DCP1B: variants seen among roughly 807,000 people sequenced by gnomAD.
DCP1B encodes the protein mRNA-decapping enzyme 1B.
DCP1B carries 47 observed loss-of-function variants against 60.5 expected under a neutral mutation model. The ratio of observed to expected loss-of-function variants is 0.78; its 90% CI spans 0.61 to 0.99. The LOEUF (loss-of-function observed/expected upper bound fraction) is 0.99, where lower values mean the gene tolerates loss of function less well. Ranked by LOEUF, DCP1B falls within the 50% of genes least tolerant of loss-of-function variation. The pLI is 0.00. For missense variants in DCP1B, 725 were observed against 756.8 expected (o/e 0.96, Z 0.49); for synonymous variants, 267 against 280.3 (o/e 0.95, Z 0.47).
chr12:1,974,540 G>GT (rs1565791499), intron 3 of DCP1B, among the ~76,000 whole-genome samples: 1 of 152,076 alleles, frequency 6.6e-6, no homozygotes, highest in Non-Finnish European at 1.5e-5. Context: ...TTGACTACTT[G>GT]TTAGGCACTG....
At chr12:1,954,710 GA>G (rs2030815547) in intron 6 of DCP1B, among the ~76,000 whole-genome samples, 1 of 152,198 alleles carries the variant, frequency 6.6e-6, no homozygotes, top group African/African-American at 2.4e-5. Flanking sequence ...ATCTGGCACA[GA>G]GGAGGTGCTC....
chr12:1,968,079 A>G (rs2031422124), intron 3 of DCP1B, among the ~76,000 whole-genome samples, 169 bp from the exon 4 acceptor site: 1 of 152,180 alleles, frequency 6.6e-6, no homozygotes, highest in Non-Finnish European at 1.5e-5. Context: ...AAAATACAGC[A>G]TCAAGCCAGG....
intron 5 of DCP1B, among the ~76,000 whole-genome samples, chr12:1,958,546 T>C (rs546084508): frequency 6.8e-5 from 10 of 147,482 alleles, no homozygotes; most frequent in African/African-American, 2.5e-4. Flanking sequence ...TGGCTTTTTC[T>C]ATAAACCTCC....
chr12:1,967,084 A>G (rs544965355), intron 4 of DCP1B, among the ~76,000 whole-genome samples: 51 of 152,328 alleles, frequency 3.3e-4, no homozygotes, highest in African/African-American at 1.1e-3. Flanking sequence ...GCAGGGAAAT[A>G]ACTGCCTCAC....
At chr12:1,981,618 G>A (rs993583880) in intron 3 of DCP1B, among the ~76,000 whole-genome samples, 1 of 152,122 alleles carries the variant, frequency 6.6e-6, no homozygotes, top group Non-Finnish European at 1.5e-5. Flanking sequence ...AACTGTAAGG[G>A]GGAAGGGATA....
chr12:1,954,426 C>A (rs1182976218), intron 6 of DCP1B, among the ~76,000 whole-genome samples: 3 of 151,916 alleles, frequency 2.0e-5, no homozygotes, highest in South Asian at 2.1e-4. Context: ...TTAAGAAAAT[C>A]TTTTTAATTA....
intron 3 of DCP1B, among the ~76,000 whole-genome samples, chr12:1,986,930 A>T (rs2037959351): frequency 6.6e-6 from 1 of 152,226 alleles, no homozygotes. Context: ...CCAGAAGTTC[A>T]ATCCCTTTTT....
At chr12:1,973,426 T>C (rs188243064) in intron 3 of DCP1B, among the ~76,000 whole-genome samples, 268 of 152,346 alleles carry the variant, frequency 1.8e-3, no homozygotes, top group Non-Finnish European at 2.5e-3. Flanking sequence ...CTCTCTGAAT[T>C]AAAGCATTAT....
chr12:1,973,650 T>C (rs2033277368), intron 3 of DCP1B, among the ~76,000 whole-genome samples: 2 of 152,196 alleles, frequency 1.3e-5, no homozygotes, highest in Non-Finnish European at 2.9e-5. Context: ...AAAGGTCATA[T>C]GGAATCTTTT....
chr12:2,004,225 C>G, intron 1 of DCP1B, 57 bp downstream of exon 1: 1 of 1,598,870 alleles, frequency 6.3e-7, no homozygotes, highest in Non-Finnish European at 8.5e-7. Context: ...CTGAGTCTGA[C>G]GCCCCCCGCC....
intron 1 of DCP1B, among the ~76,000 whole-genome samples, chr12:1,998,521 C>T (rs1298452035): frequency 6.6e-6 from 1 of 152,198 alleles, no homozygotes; most frequent in Non-Finnish European, 1.5e-5. Context: ...CAATCACCTA[C>T]TTAGTGTAGT....
At position 1,971,253 on chromosome 12, in the gene DCP1B, C is replaced by G; in HGVS notation, c.320-3343G>C. On this transcript the variant is annotated intron_variant, in intron 3 of 8. Transcript: ENST00000280665. This position sits in a 1 kb window ranked among gnomAD's most constrained non-coding sequence, Gnocchi z 4.2. ...AGTAGGAAGAACATGTTGAAATTTACTCTAAATATCCTAATGATACCTAGA... is the reference window on the plus strand; with the variant it reads ...AGTAGGAAGAACATGTTGAAATTTAGTCTAAATATCCTAATGATACCTAGA... 2.0e-6 allele frequency: 2 copies of G among 989,764 alleles called. No individual in the cohort carries two copies. The highest frequency in any genetic ancestry group is 2.6e-4 in the Middle Eastern group (1 of 3,816). 61.3% of individuals were successfully genotyped at this position (989,764 alleles called of 1,614,324 possible).
At position 1,971,769 on chromosome 12, in the gene DCP1B, G is replaced by GCAAAT. The variant is rs769642013; in HGVS notation, c.320-3860_320-3859insATTTG. 2.0e-5 allele frequency among the ~76,000 whole-genome samples: 3 copies of GCAAAT among 152,072 alleles called. No individual in the cohort carries two copies. Among genetic ancestry groups the GCAAAT allele is most frequent in the African/African-American group, 4.8e-5 (2 of 41,410 alleles). On this transcript the variant is annotated intron_variant, in intron 3 of 8. Coordinates refer to ENST00000280665, the MANE Select transcript of DCP1B (RefSeq NM_152640.5). This position sits in a 1 kb window ranked among gnomAD's most constrained non-coding sequence, Gnocchi z 4.2. ...CATTAGTTCATTTTGCATGTTCTTT[G>GCAAAT]GGGATTTGCCTTATCTCATTTATGT... is the stretch of plus-strand genomic sequence containing the variant.
In DCP1B at chr12:1,952,638, G is replaced by C; in HGVS notation, c.1302C>G (p.Leu434=). The change falls in exon 7 of 9, where the codon CTC becomes CTG. Residue 434 remains leucine (L), a synonymous_variant. Coordinates refer to ENST00000280665, the MANE Select transcript of DCP1B (RefSeq NM_152640.5). ...TGCCAGTCTGACTACCAGAGATGGG[G>C]AGTGTTTGTCTTGGGAGTGTGGACT... ...REQSTLPRQT[L]PISGSQTGSS... 6.2e-7 allele frequency: 1 copy of C among 1,614,184 alleles called. No homozygotes were observed. The highest frequency in any genetic ancestry group is 8.5e-7 in the Non-Finnish European group (1 of 1,180,040).
In DCP1B at chr12:1,952,458, G is replaced by C. The variant is rs746763306; in HGVS notation, c.1482C>G (p.Ile494Met). 1.2e-6 allele frequency: 2 copies of C among 1,609,582 alleles called. No homozygotes were observed. Among genetic ancestry groups the C allele is most frequent in the Non-Finnish European group, 8.5e-7 (1 of 1,176,906 alleles). The change falls in exon 7 of 9, where the codon ATC becomes ATG. Residue 494 changes from isoleucine (I) to methionine (M), a missense_variant. Transcript: ENST00000280665. Reference sequence around the variant, plus strand: ...GCTGTTCTGTGTTGGGTGTCTTGTTGATCCAGGATTCCAAGGGTTTCCCTG... The same window carrying C: ...GCTGTTCTGTGTTGGGTGTCTTGTTCATCCAGGATTCCAAGGGTTTCCCTG... ...SGTGKPLESW[I>M]NKTPNTEQQT...
At chr12:1,978,077 CACTCAGGAAAAATATTAAGTT>C (rs1409947855) in intron 3 of DCP1B, among the ~76,000 whole-genome samples, 2 of 152,078 alleles carry the variant, frequency 1.3e-5, no homozygotes, top group Non-Finnish European at 2.9e-5. Context: ...TAATTCCTTC[CACTCAGGAAAAATATTAAGTT>C]ATACGGTTTC....
intron 5 of DCP1B, among the ~76,000 whole-genome samples, chr12:1,963,539 CT>C (rs1227668079): frequency 6.6e-6 from 1 of 152,212 alleles, no homozygotes; most frequent in African/African-American, 2.4e-5. Flanking sequence ...GTTTGGTTTG[CT>C]TGTTCTCTTT....
intron 5 of DCP1B, among the ~76,000 whole-genome samples, chr12:1,959,196 G>T (rs767737128): frequency 1.3e-5 from 2 of 152,128 alleles, no homozygotes; most frequent in Non-Finnish European, 1.5e-5. Flanking sequence ...TGGCTTTTTC[G>T]ATGTGACCCT....
rs554954236 is a variant in DCP1B, at chr12:1,965,745, C to G, written c.387-52G>C. The G allele has an allele frequency of 8.9e-6, 14 of 1,570,344 alleles. No individual in the cohort carries two copies. The African/African-American group carries it at 1.6e-4, about 18-fold the overall frequency. On this transcript the variant is annotated intron_variant, in intron 4 of 8. Coordinates refer to ENST00000280665, the MANE Select transcript of DCP1B (RefSeq NM_152640.5). ...ACAAGAAAAGCCAATTCAACACAAA[C>G]AATGTTTAAAACCATCCCAATTCTC...
Sources: allele counts gnomAD v4.1 joint callset (sites outside exome capture counted in the v4.1 genomes callset), GRCh38; gene constraint gnomAD v4.1.1; non-coding constraint Gnocchi (gnomAD v3.1); transcripts MANE v1.5; gene names NCBI Gene and HGNC (gene_info 2026-07-23, HGNC 2026-07-21).